ZNF704: variants seen among roughly 807,000 people sequenced by gnomAD.
ZNF704 encodes the protein zinc finger protein 704.
ZNF704 carries 10 observed loss-of-function variants against 44.7 expected under a neutral mutation model. That is an observed-to-expected ratio of 0.22 (90% CI 0.14 to 0.38). The LOEUF (loss-of-function observed/expected upper bound fraction) is 0.38, where lower values mean the gene tolerates loss of function less well. Ranked by LOEUF, ZNF704 falls within the 10% of genes least tolerant of loss-of-function variation. The probability of loss-of-function intolerance (pLI) is 1.00; values close to 1 mark genes in which losing one functional copy is unlikely to be tolerated. For missense variants in ZNF704, 390 were observed against 545.5 expected (o/e 0.71, Z 2.84); for synonymous variants, 211 against 207.6 (o/e 1.02, Z -0.14).
chr8:80,781,631 G>A (rs1032447097), intron 2 of ZNF704, among the ~76,000 whole-genome samples: 7 of 152,130 alleles, frequency 4.6e-5, no homozygotes, highest in Admixed American at 1.3e-4. Context: ...GACATGTCAC[G>A]AACCAGCCGG....
At chr8:80,814,872 G>C (rs1390299536) in intron 2 of ZNF704, among the ~76,000 whole-genome samples, 2 of 151,994 alleles carry the variant, frequency 1.3e-5, no homozygotes, top group African/African-American at 4.8e-5. Flanking sequence ...AAAAATAAAA[G>C]ATACCATTTT....
chr8:80,738,547 C>T (rs774806154), intron 2 of ZNF704, among the ~76,000 whole-genome samples: 1 of 151,304 alleles, frequency 6.6e-6, no homozygotes, highest in African/African-American at 2.4e-5. Flanking sequence ...TGGCATTTGA[C>T]ATGAGGTTGG....
intron 2 of ZNF704, among the ~76,000 whole-genome samples, chr8:80,697,423 A>T: frequency 6.6e-6 from 1 of 152,182 alleles, no homozygotes; most frequent in East Asian, 1.9e-4. Flanking sequence ...ATTAAGAGGG[A>T]CACTGCCCCT....
rs568977536 is a variant in ZNF704 at position 80,796,432 on chromosome 8, T to A, written c.221+24942A>T. The stretch of plus-strand genomic sequence containing the variant: ...CTATCATCTCTTAAAGAGATCTCTA[T>A]CATCTTCCCACCTCTCAATACCACC... On this transcript the variant is annotated intron_variant, in intron 2 of 8. Transcript: ENST00000327835. Among the ~76,000 whole-genome samples the A allele has an allele frequency of 2.0e-5, 3 of 152,322 alleles. No individual in the cohort carries two copies. In the East Asian group the frequency reaches 5.8e-4, roughly 29 times the overall value.
rs1817662993 is a variant in ZNF704, at chr8:80,636,355, A to G, written c.*5011T>C. 6.6e-6 allele frequency: 1 copy of G among 152,216 alleles called. No homozygotes were observed. Among genetic ancestry groups the G allele is most frequent in the Non-Finnish European group, 1.5e-5 (1 of 68,044 alleles). 9.4% of individuals were successfully genotyped at this position (152,216 alleles called of 1,614,324 possible). ...ATTTTGGTTCCTGGTCCTACGATAG[A>G]TATACCTTTTAAAGCATGTATATCA... On this transcript the variant is annotated 3_prime_UTR_variant, in exon 9 of 9. Coordinates refer to ENST00000327835, the MANE Select transcript of ZNF704 (RefSeq NM_001033723.3).
At chr8:80,699,306 G>C (rs1176367381) in intron 2 of ZNF704, among the ~76,000 whole-genome samples, 1 of 152,036 alleles carries the variant, frequency 6.6e-6, no homozygotes, top group Admixed American at 6.5e-5. Context: ...AAATCTTGTA[G>C]AAAAAGTGGT....
At chr8:80,780,469 T>C (rs1356334597) in intron 2 of ZNF704, among the ~76,000 whole-genome samples, 1 of 152,034 alleles carries the variant, frequency 6.6e-6, no homozygotes, top group Non-Finnish European at 1.5e-5. Context: ...CTCAAAAAGA[T>C]GTCCCTGTCC....
intron 1 of ZNF704, among the ~76,000 whole-genome samples, chr8:80,859,422 T>G (rs964597013): frequency 6.6e-6 from 1 of 152,188 alleles, no homozygotes; most frequent in Non-Finnish European, 1.5e-5. Flanking sequence ...TGTGTTGTGA[T>G]AGTGGGAAAG....
chr8:80,667,818 G>T (rs1818219230), intron 5 of ZNF704, among the ~76,000 whole-genome samples: 1 of 152,130 alleles, frequency 6.6e-6, no homozygotes, highest in Admixed American at 6.5e-5. Flanking sequence ...GCATGATTTT[G>T]GTGGCCTACA....
intron 1 of ZNF704, among the ~76,000 whole-genome samples, chr8:80,826,815 G>GA (rs1308469107): frequency 2.6e-5 from 4 of 151,910 alleles, no homozygotes; most frequent in Admixed American, 6.6e-5. Context: ...CAGAACCAAA[G>GA]AAAAAAACCA....
intron 2 of ZNF704, among the ~76,000 whole-genome samples, chr8:80,783,597 T>C (rs912592239): frequency 6.6e-6 from 1 of 152,138 alleles, no homozygotes; most frequent in Non-Finnish European, 1.5e-5. Flanking sequence ...TAAACTTTGT[T>C]TTTTAGAGCA....
chr8:80,799,911 A>G (rs1017589290), intron 2 of ZNF704, among the ~76,000 whole-genome samples: 7 of 152,178 alleles, frequency 4.6e-5, no homozygotes, highest in African/African-American at 1.7e-4. Context: ...AAAGAAGCTA[A>G]GAGTCATAAA....
intron 7 of ZNF704, among the ~76,000 whole-genome samples, chr8:80,654,760 A>G (rs1188207321): frequency 2.6e-5 from 4 of 152,216 alleles, no homozygotes; most frequent in African/African-American, 4.8e-5. Flanking sequence ...AAACTAGTTC[A>G]ACCATTGTGG....
chr8:80,726,043 G>A (rs1424819520), intron 2 of ZNF704, among the ~76,000 whole-genome samples: 3 of 151,910 alleles, frequency 2.0e-5, no homozygotes, highest in Non-Finnish European at 4.4e-5. Context: ...TTTATATACC[G>A]TGTTGATTTA....
rs117929587 is a variant in ZNF704, at chr8:80,701,298, C to T, written c.222-8191G>A. ...CCCGCCCTCGCTCACCACAACTGCC[C>T]GCTTCTAGCCAGGATTCTGCCTTAT... On this transcript the variant is annotated intron_variant, in intron 2 of 8. Coordinates refer to ENST00000327835, the MANE Select transcript of ZNF704 (RefSeq NM_001033723.3). Among the ~76,000 whole-genome samples, 657 of 152,104 alleles carry T rather than the reference C, an allele frequency of 4.3e-3. 5 individuals carry two copies. Among genetic ancestry groups the T allele is most frequent in the African/African-American group, 0.015 (606 of 41,496 alleles).
intron 1 of ZNF704, among the ~76,000 whole-genome samples, chr8:80,854,305 A>G (rs572669462): frequency 1.2e-4 from 18 of 152,292 alleles, no homozygotes; most frequent in Non-Finnish European, 2.4e-4. Flanking sequence ...TTCCAGTTCT[A>G]TATTTTTCTC....
At chr8:80,823,043 T>G (rs1431249437) in intron 1 of ZNF704, among the ~76,000 whole-genome samples, 2 of 152,182 alleles carry the variant, frequency 1.3e-5, no homozygotes, top group Non-Finnish European at 2.9e-5. Context: ...AGGGGATTTC[T>G]GCATTGCCAA....
intron 2 of ZNF704, among the ~76,000 whole-genome samples, chr8:80,731,544 A>G (rs545371078): frequency 6.6e-6 from 1 of 152,312 alleles, no homozygotes; most frequent in African/African-American, 2.4e-5. Context: ...AACTATCACT[A>G]CTTTCTATAT....
chr8:80,775,270 C>G (rs1807392136), intron 2 of ZNF704, among the ~76,000 whole-genome samples: 2 of 152,138 alleles, frequency 1.3e-5, no homozygotes. Context: ...GCGGATAAGG[C>G]CTGTAAGAAA....
Sources: gnomAD v4.1 joint callset for allele counts (sites outside exome capture counted in the v4.1 genomes callset) on GRCh38, gnomAD v4.1.1 for gene constraint, MANE v1.5 for transcripts, NCBI Gene and HGNC (gene_info 2026-07-23, HGNC 2026-07-21) for gene names.